The following COL28A1 variants were observed in gnomAD, a reference collection of about 807,000 sequenced individuals.
COL28A1 encodes collagen alpha-1(XXVIII) chain.
In COL28A1, 161 loss-of-function variants were observed where a neutral mutation model predicts 150.2. That is an observed-to-expected ratio of 1.07 (90% CI 0.94 to 1.22). The LOEUF is 1.22. COL28A1 is among the 50% of genes most tolerant of loss of function. COL28A1 has a pLI of 0.00. For missense variants in COL28A1, 1,617 were observed against 1,388.3 expected (o/e 1.16, Z -2.62); for synonymous variants, 552 against 469.7 (o/e 1.18, Z -2.26).
At chr7:7,414,427 A>C (rs1438850754) in intron 27 of COL28A1, among the ~76,000 whole-genome samples, 1 of 152,236 alleles carries the variant, frequency 6.6e-6, no homozygotes, top group African/African-American at 2.4e-5. Context: ...AAAAAGCCCA[A>C]GGCCCTGAAG....
intron 27 of COL28A1, among the ~76,000 whole-genome samples, chr7:7,415,210 C>T (rs575313630): frequency 2.0e-5 from 3 of 152,268 alleles, no homozygotes; most frequent in Admixed American, 6.5e-5. Context: ...CAAAGCTTTC[C>T]GTCAAAGGCT....
chr7:7,471,043 A>G (rs1365107301), intron 15 of COL28A1, among the ~76,000 whole-genome samples: 6 of 142,772 alleles, frequency 4.2e-5, no homozygotes, highest in Non-Finnish European at 6.1e-5. Flanking sequence ...GCGCACCAGC[A>G]TGGCACATGT....
At chr7:7,533,464 C>G (rs762452025) in intron 1 of COL28A1, among the ~76,000 whole-genome samples, 5 of 152,118 alleles carry the variant, frequency 3.3e-5, no homozygotes, top group Non-Finnish European at 5.9e-5. Flanking sequence ...CCATAGAACC[C>G]CATCTCTCTT....
At position 7,358,555 on chromosome 7, in the gene COL28A1, G is replaced by T; in HGVS notation, c.*78C>A. On this transcript the variant is annotated 3_prime_UTR_variant, in exon 35 of 35. Transcript: ENST00000399429. ...AATACTCAGTATACACTCAAATATA[G>T]TGCTGTATTTGTATTGGGTGAATAT... The T allele has an allele frequency of 7.7e-7, 1 of 1,297,840 alleles. No individual in the cohort carries two copies. Among genetic ancestry groups the T allele is most frequent in the Non-Finnish European group, 1.1e-6 (1 of 910,238 alleles). The allele number at this position is 1,297,840 out of a possible 1,614,324, so 80.4% of individuals were successfully genotyped here. A position where few individuals can be genotyped will look rare whatever the true frequency, so the allele number is the denominator to read the frequency against.
chr7:7,355,547 T>C (rs1421848565), downstream of COL28A1, among the ~76,000 whole-genome samples: 1 of 150,784 alleles, frequency 6.6e-6, no homozygotes, highest in East Asian at 1.9e-4. Context: ...GAGGTGGAGG[T>C]TGCAGTGAGC....
At chr7:7,419,777 A>G (rs1228663945) in intron 26 of COL28A1, 108 bp downstream of exon 26, 1 of 569,074 alleles carries the variant, frequency 1.8e-6, no homozygotes, top group Admixed American at 4.1e-5. Flanking sequence ...AGTCACCAAG[A>G]AAAAAATAAG....
intron 25 of COL28A1, among the ~76,000 whole-genome samples, chr7:7,424,049 A>G (rs115692596): frequency 0.016 from 2,397 of 152,246 alleles, 54 homozygotes; most frequent in African/African-American, 0.055. Context: ...GCTATGTTTC[A>G]CATATCTAAA....
At chr7:7,476,757 G>GA (rs1788922223) in intron 14 of COL28A1, among the ~76,000 whole-genome samples, 1 of 152,062 alleles carries the variant, frequency 6.6e-6, no homozygotes, top group African/African-American at 2.4e-5. Context: ...TGTGTTTCAC[G>GA]AAAAAAGCTG....
chr7:7,351,497 C>T (rs1479807178), downstream of COL28A1, among the ~76,000 whole-genome samples: 2 of 151,978 alleles, frequency 1.3e-5, no homozygotes, highest in East Asian at 3.9e-4. Flanking sequence ...CTAAAGGTTA[C>T]AATAGCAATA....
chr7:7,372,306 G>A (rs971160805), intron 32 of COL28A1, among the ~76,000 whole-genome samples: 2 of 151,806 alleles, frequency 1.3e-5, no homozygotes, highest in Non-Finnish European at 2.9e-5. Context: ...GGCTGAGGCA[G>A]GAGAATCACT....
At chr7:7,498,415 T>C (rs1036728431) in intron 11 of COL28A1, among the ~76,000 whole-genome samples, 18 of 152,152 alleles carry the variant, frequency 1.2e-4, no homozygotes, top group African/African-American at 3.6e-4. Context: ...TGGGTGTATA[T>C]GACAGCGTGA....
At chr7:7,349,612 G>A in the COL28A1 span, among the ~76,000 whole-genome samples, 3 of 152,060 alleles carry the variant, frequency 2.0e-5, no homozygotes, top group Non-Finnish European at 4.4e-5. Flanking sequence ...CTCTGACTTG[G>A]TGTCCCCTTT....
intron 31 of COL28A1, among the ~76,000 whole-genome samples, chr7:7,375,209 G>T (rs941782946): frequency 6.6e-6 from 1 of 152,154 alleles, no homozygotes; most frequent in African/African-American, 2.4e-5. Flanking sequence ...AAAAGGCCCG[G>T]CTGCCTACAT....
chr7:7,453,628 G>C, intron 16 of COL28A1, 120 bp from the exon 17 acceptor site: 1 of 643,598 alleles, frequency 1.6e-6, no homozygotes. Context: ...CATTTGTGGA[G>C]TGGGGTGCCA....
At chr7:7,453,266 G>A (rs1274151798) in intron 17 of COL28A1, among the ~76,000 whole-genome samples, 174 bp downstream of exon 17, 4 of 152,154 alleles carry the variant, frequency 2.6e-5, no homozygotes, top group African/African-American at 9.7e-5. Context: ...AAAGCATAAA[G>A]AATACATATT....
At chr7:7,513,601 A>G (rs149615796) in intron 8 of COL28A1, among the ~76,000 whole-genome samples, 14 of 152,386 alleles carry the variant, frequency 9.2e-5, no homozygotes, top group Admixed American at 3.3e-4. Context: ...ATGCAAATGG[A>G]AAATCACTTT....
chr7:7,384,038 G>A (rs1385717798), intron 27 of COL28A1, among the ~76,000 whole-genome samples: 2 of 152,056 alleles, frequency 1.3e-5, no homozygotes, highest in Non-Finnish European at 2.9e-5. Flanking sequence ...GAACTCTAAG[G>A]TTCTTTTTAT....
At chr7:7,365,342 G>A (rs754556741) in intron 33 of COL28A1, among the ~76,000 whole-genome samples, 30 of 136,786 alleles carry the variant, frequency 2.2e-4, no homozygotes, top group Non-Finnish European at 4.5e-4. Context: ...GGAAAAGAAG[G>A]CTAGCTCCAG....
chr7:7,417,606 G>T, intron 27 of COL28A1: 1 of 417,094 alleles, frequency 2.4e-6, no homozygotes, highest in Admixed American at 5.0e-5. Context: ...TTCACAAAGA[G>T]GGGAAAGCAA....
Sources: allele counts gnomAD v4.1 joint callset (sites outside exome capture counted in the v4.1 genomes callset), GRCh38; gene constraint gnomAD v4.1.1; transcripts MANE v1.5; gene names NCBI Gene and HGNC (gene_info 2026-07-23, HGNC 2026-07-21).